Variants in COP1 observed in about 807,000 individuals in gnomAD.
The protein encoded by COP1 is COP1 E3 ubiquitin ligase, also known as E3 ubiquitin-protein ligase COP1.
Under a neutral mutation model 101.3 loss-of-function variants are expected in COP1, and 24 were observed. The observed-to-expected ratio is 0.24, with a 90% CI of 0.17 to 0.33. The LOEUF is 0.33. Ranked by LOEUF, COP1 falls within the 10% of genes least tolerant of loss-of-function variation. COP1 has a pLI of 1.00. For missense variants in COP1, 663 were observed against 906.2 expected, an observed-to-expected ratio of 0.73 and a Z score of 3.45; for synonymous variants, 347 against 341.9, an observed-to-expected ratio of 1.01 and a Z score of -0.17.
At chr1:176,196,335 T>TA (rs1034730339) in intron 1 of COP1, among the ~76,000 whole-genome samples, 3 of 151,506 alleles carry the variant, frequency 2.0e-5, no homozygotes, top group African/African-American at 2.4e-5. Context: ...TTGAAAAGAC[T>TA]AAAAAAAATT....
chr1:175,959,536 T>C (rs1291513702), intron 18 of COP1, among the ~76,000 whole-genome samples: 1 of 152,032 alleles, frequency 6.6e-6, no homozygotes, highest in Non-Finnish European at 1.5e-5. Context: ...GATGAATTAA[T>C]TGTGTGCATA....
intron 9 of COP1, among the ~76,000 whole-genome samples, chr1:176,095,853 T>TA (rs1386371019): frequency 2.0e-5 from 3 of 151,976 alleles, no homozygotes; most frequent in East Asian, 1.9e-4. Context: ...TAATTTTTTT[T>TA]AAAAAAACAT....
chr1:175,993,667 A>T (rs2148792302), intron 15 of COP1, among the ~76,000 whole-genome samples: 1 of 152,298 alleles, frequency 6.6e-6, no homozygotes, highest in African/African-American at 2.4e-5. Context: ...AAATGAATGA[A>T]ATGAAGCGAG....
At chr1:176,174,424 G>A (rs1020660710) in intron 3 of COP1, among the ~76,000 whole-genome samples, 1 of 152,080 alleles carries the variant, frequency 6.6e-6, no homozygotes, top group Non-Finnish European at 1.5e-5. Context: ...ATTTCTCTTT[G>A]TTCTTTTCCT....
intron 14 of COP1, among the ~76,000 whole-genome samples, chr1:176,040,561 C>T (rs545136838): frequency 1.4e-4 from 21 of 152,152 alleles, no homozygotes; most frequent in Non-Finnish European, 2.9e-4. Context: ...CCTCCTGCCT[C>T]AGCCTCCAAA....
chr1:176,048,911 G>A (rs1671990121), intron 11 of COP1, among the ~76,000 whole-genome samples: 1 of 151,436 alleles, frequency 6.6e-6, no homozygotes, highest in South Asian at 2.1e-4. Context: ...GGTGGCTCAC[G>A]CCTGTAATCC....
intron 17 of COP1, among the ~76,000 whole-genome samples, chr1:175,987,360 T>C (rs906994545): frequency 2.0e-5 from 3 of 152,212 alleles, no homozygotes; most frequent in African/African-American, 7.2e-5. Context: ...AAAATTACCC[T>C]ATAAAATCAT....
intron 18 of COP1, among the ~76,000 whole-genome samples, chr1:175,973,367 T>C (rs920642173): frequency 6.6e-6 from 1 of 152,234 alleles, no homozygotes; most frequent in Non-Finnish European, 1.5e-5. Context: ...ACTAATCTTT[T>C]CTTTCATCTT....
chr1:176,181,939 T>C (rs770271619), intron 2 of COP1, among the ~76,000 whole-genome samples: 17 of 152,074 alleles, frequency 1.1e-4, no homozygotes, highest in Non-Finnish European at 2.1e-4. Context: ...TAAGCCTAAA[T>C]TGTTTTGAGA....
At chr1:176,006,500 T>C (rs896464602) in intron 15 of COP1, among the ~76,000 whole-genome samples, 84 of 152,286 alleles carry the variant, frequency 5.5e-4, no homozygotes, top group Middle Eastern at 3.4e-3. Context: ...TTGTTCCTTT[T>C]CATGTTTAGT....
At chr1:176,106,321 G>C (rs867020873) in intron 9 of COP1, among the ~76,000 whole-genome samples, 1 of 152,134 alleles carries the variant, frequency 6.6e-6, no homozygotes, top group Admixed American at 6.5e-5. Context: ...GTGGGCCACT[G>C]TGCCCAGCCA....
At chr1:176,142,827 TAAAC>T (rs1288921423) in intron 6 of COP1, among the ~76,000 whole-genome samples, 6 of 151,292 alleles carry the variant, frequency 4.0e-5, no homozygotes, top group Non-Finnish European at 8.8e-5. Flanking sequence ...TGAACAATAA[TAAAC>T]AAAATATGAT....
intron 18 of COP1, among the ~76,000 whole-genome samples, chr1:175,981,787 A>G (rs1655930895): frequency 6.6e-6 from 1 of 152,180 alleles, no homozygotes; most frequent in African/African-American, 2.4e-5. Flanking sequence ...ACACCTAAAC[A>G]GCAAGAAAAC....
chr1:176,008,560 T>C (rs1472732085), intron 15 of COP1, among the ~76,000 whole-genome samples: 2 of 152,248 alleles, frequency 1.3e-5, no homozygotes, highest in African/African-American at 4.8e-5. Context: ...TGAATATATT[T>C]GTAATAACTA....
rs1683700150 is a variant in COP1 at position 176,103,170 on chromosome 1, T to TG, written c.1026+13453dup. ...CCTCACACACAGTTCCTAAAATCCT[T>TG]GGAGTTTCCTGAGTGATATCAGCAT... On this transcript the variant is annotated intron_variant, in intron 9 of 19. Transcript: ENST00000367669. Among the ~76,000 whole-genome samples, 3 of 152,282 alleles carry TG rather than the reference T, an allele frequency of 2.0e-5. No homozygotes were observed. In the South Asian group the frequency reaches 6.2e-4, roughly 32 times the overall value.
chr1:176,162,577 T>C (rs1003582986), intron 5 of COP1, among the ~76,000 whole-genome samples: 1 of 152,178 alleles, frequency 6.6e-6, no homozygotes, highest in Admixed American at 6.6e-5. Context: ...AGAAGACAGA[T>C]AACCAACAAA....
rs147780132 is a variant in COP1 at position 176,025,910 on chromosome 1, C to T, written c.1729+1662G>A. Among the ~76,000 whole-genome samples, 604 of 151,650 alleles carry T rather than the reference C, an allele frequency of 4.0e-3. 2 individuals are homozygous for T. The highest frequency in any genetic ancestry group is 0.017 in the Middle Eastern group (5 of 294). On this transcript the variant is annotated intron_variant, in intron 15 of 19. Transcript: ENST00000367669. ...ACAAAAAAACCAAAAAAAAAGAAAA[C>T]CCAAACAAATAAAAAAGACACCTAA...
intron 6 of COP1, among the ~76,000 whole-genome samples, chr1:176,142,335 T>C (rs888333058): frequency 6.6e-6 from 1 of 151,454 alleles, no homozygotes; most frequent in Non-Finnish European, 1.5e-5. Flanking sequence ...AAAAGAAATA[T>C]AAAACAAAAA....
intron 1 of COP1, among the ~76,000 whole-genome samples, chr1:176,204,364 C>T (rs960264284): frequency 7.9e-5 from 12 of 151,852 alleles, no homozygotes; most frequent in African/African-American, 2.9e-4. Flanking sequence ...ACTTGGGCTT[C>T]GTTTAAATAT....
Sources: allele counts gnomAD v4.1 joint callset (sites outside exome capture counted in the v4.1 genomes callset), GRCh38; gene constraint gnomAD v4.1.1; transcripts MANE v1.5; gene names NCBI Gene and HGNC (gene_info 2026-07-23, HGNC 2026-07-21).